Variants in MUC5B observed in about 807,000 individuals in gnomAD.
The protein encoded by MUC5B is mucin 5B, oligomeric mucus/gel-forming, also known as mucin-5B.
Under a neutral mutation model 376.9 loss-of-function variants are expected in MUC5B, and 116 were observed. That is an observed-to-expected ratio of 0.31 (90% confidence interval 0.26 to 0.36). The LOEUF (loss-of-function observed/expected upper bound fraction) is 0.36, where lower values mean the gene tolerates loss of function less well. Among genes scored for constraint, MUC5B ranks in the 10% least tolerant of loss-of-function variants. The pLI is 1.00. For missense variants in MUC5B, 7,165 were observed against 7,769.9 expected (o/e 0.92, Z 2.93); for synonymous variants, 3,517 against 3,390.9 (o/e 1.04, Z -1.29).
rs533424826 is a variant in MUC5B at position 1,249,068 on chromosome 11, C to T, written c.12188C>T (p.Thr4063Ile). The change falls in exon 31 of 49, where the codon ACT becomes ATT. Residue 4063 changes from threonine (T) to isoleucine (I), a missense_variant. Physicochemically the swap from Thr to Ile is moderately conservative, Grantham distance 89. This residue lies in a region of MUC5B where 85 missense variants were observed against 78.2 expected (regional missense o/e 1.09). Transcript: ENST00000529681. ...ACCACCGGTACCACCCAGCACTCGA[C>T]TCCAGCCCTGTCCAGCCCTCACCCT... ...AATTGTTQHS[T>I]PALSSPHPSS... 11 of 1,610,860 alleles carry T rather than the reference C, an allele frequency of 6.8e-6. No individual in the cohort carries two copies. The highest frequency in any genetic ancestry group is 9.3e-6 in the Non-Finnish European group (11 of 1,179,454).
intron 25 of MUC5B, 60 bp downstream of exon 25, chr11:1,237,224 C>T (rs748233396): frequency 1.7e-4 from 226 of 1,327,814 alleles, no homozygotes; most frequent in Admixed American, 1.1e-3. Flanking sequence ...TCCTTCCCGC[C>T]GAGAACTGGG....
In MUC5B at chr11:1,252,376, G is replaced by A; in HGVS notation, c.14897G>A (p.Gly4966Asp). Residue 4966 changes from glycine (G) to aspartate (D), a missense_variant, in exon 32 of 49, where the codon GGC (glycine) becomes GAC (aspartate). This residue lies in a region of MUC5B where 730 missense variants were observed against 592.7 expected (regional missense o/e 1.23). Transcript: ENST00000529681. ...ATCTACAATAAGACCGACCGAGCCG[G>A]CTGCCATTTCTACGCAGTGTGCAAT... ...EVIYNKTDRA[G>D]CHFYAVCNQH... The A allele has an allele frequency of 6.3e-7, 1 of 1,587,050 alleles. No individual in the cohort carries two copies. Among genetic ancestry groups the A allele is most frequent in the Non-Finnish European group, 8.6e-7 (1 of 1,166,982 alleles).
Position 1,260,701 on chromosome 11 carries a change from G to A in MUC5B, c.17042G>A (p.Cys5681Tyr), listed in dbSNP as rs545239977. 1 of 1,612,066 alleles carries A rather than the reference G, an allele frequency of 6.2e-7. No homozygotes were observed. Among genetic ancestry groups the A allele is most frequent in the Admixed American group, 1.7e-5 (1 of 59,968 alleles). The part of the protein sequence containing the change: ...GCETEVNITF[C>Y]EGSCPGASKY... ...GAGACCGAGGTCAACATCACCTTCTGCGAGGGCTCCTGCCCCGGAGCGTCC... is the reference window on the plus strand; with the variant it reads ...GAGACCGAGGTCAACATCACCTTCTACGAGGGCTCCTGCCCCGGAGCGTCC... Residue 5681 changes from cysteine (C) to tyrosine (Y), a missense_variant, in exon 48 of 49, where the codon TGC becomes TAC. This residue lies in a region of MUC5B where 842 missense variants were observed against 1,016.9 expected (regional missense o/e 0.83). Coordinates refer to ENST00000529681, the MANE Select transcript of MUC5B (RefSeq NM_002458.3).
chr11:1,225,967 C>T (rs777088298), intron 2 of MUC5B, among the ~76,000 whole-genome samples: 1 of 152,252 alleles, frequency 6.6e-6, no homozygotes, highest in Non-Finnish European at 1.5e-5. Context: ...TGGACAGGCA[C>T]ATGCGTGCCC....
rs1005740046 is a variant in MUC5B, at chr11:1,256,658, T to C, written c.16137-13T>C. Reference sequence around the variant, plus strand: ...GATCTCTAGGTCTCAGGGCCTCTCTTGTCATCCTGCAGGAACCAGAGCCCA... The same window carrying C: ...GATCTCTAGGTCTCAGGGCCTCTCTCGTCATCCTGCAGGAACCAGAGCCCA... On this transcript the variant is annotated splice_polypyrimidine_tract_variant and intron_variant, in intron 38 of 48. Transcript: ENST00000529681. 3.2e-6 allele frequency: 5 copies of C among 1,551,366 alleles called. No homozygotes were observed. In the African/African-American group the frequency reaches 5.5e-5, roughly 17 times the overall value.
At chr11:1,235,467 C>G in intron 23 of MUC5B, 54 bp downstream of exon 23, 1 of 1,487,576 alleles carries the variant, frequency 6.7e-7, no homozygotes, top group Non-Finnish European at 9.2e-7. Context: ...ACGAGCCGGC[C>G]CCCAGGGAAG....
Position 1,253,622 on chromosome 11 carries a change from T to C in MUC5B, c.15218-470T>C, listed in dbSNP as rs988048288. On this transcript the variant is annotated intron_variant, in intron 33 of 48. Coordinates refer to ENST00000529681, the MANE Select transcript of MUC5B (RefSeq NM_002458.3). This position sits in a 1 kb window ranked among gnomAD's most constrained non-coding sequence, Gnocchi z 4.3. ...GTCTGAGATCCAGGCGGGCAGGGGA[T>C]AGACTCCCTGCTGAGGGTCTGGGGA... Among the ~76,000 whole-genome samples the C allele has an allele frequency of 4.6e-5, 7 of 152,152 alleles. No individual in the cohort carries two copies. Among genetic ancestry groups the C allele is most frequent in the Admixed American group, 1.3e-4 (2 of 15,280 alleles).
rs755786475 is a variant in MUC5B, at chr11:1,259,824, C to T, written c.16782C>T (p.Pro5594=). ...GECVQTACLT[P]DGQPVQLNET... ...GCGTCCAGACCGCCTGCCTCACGCC[C>T]GATGGCCAGCCAGTCCAGGTAACAG... The change falls in exon 45 of 49, where the codon CCC becomes CCT. Residue 5594 remains proline, a synonymous_variant. Transcript: ENST00000529681. 1.6e-5 allele frequency: 26 copies of T among 1,612,322 alleles called. No homozygotes were observed. Among genetic ancestry groups the T allele is most frequent in the Admixed American group, 1.5e-4 (9 of 59,978 alleles).
In MUC5B at chr11:1,248,752, G is replaced by C; in HGVS notation, c.11872G>C (p.Gly3958Arg). Reference protein sequence around the residue: ...ITTATTITATGSTTNPSSTPG... With the variant: ...ITTATTITATRSTTNPSSTPG... ...CACGGCCACTACGATCACGGCCACC[G>C]GCTCCACCACCAACCCCTCCTCAAC... The change falls in exon 31 of 49, where the codon GGC becomes CGC. Residue 3958 changes from glycine to arginine, a missense_variant. By Grantham distance (125) the Gly-to-Arg change is moderately radical. Around this residue, in one of 31 missense-constraint regions of MUC5B, gnomAD observed 242 missense variants for 199.0 expected, o/e 1.22. Transcript: ENST00000529681. 1 of 1,552,258 alleles carries C rather than the reference G, an allele frequency of 6.4e-7. No homozygotes were observed. Among genetic ancestry groups the C allele is most frequent in the Non-Finnish European group, 8.7e-7 (1 of 1,147,886 alleles).
Position 1,246,258 on chromosome 11 carries a change from C to T in MUC5B, c.9378C>T (p.Ser3126=), listed in dbSNP as rs764716204. ...CCACCAGTTCCATGTCCACCCCCTC[C>T]TCCACTCCGGGGACGACCTGGATCC... The part of the protein sequence containing the change: ...TRATSSMSTP[S]STPGTTWILT... Residue 3126 remains serine, a synonymous_variant, in exon 31 of 49, where the codon TCC becomes TCT. Coordinates refer to ENST00000529681, the MANE Select transcript of MUC5B (RefSeq NM_002458.3). 1.9e-6 allele frequency: 3 copies of T among 1,612,788 alleles called. No homozygotes were observed. The highest frequency in any genetic ancestry group is 3.3e-5 in the Admixed American group (2 of 59,968).
intron 17 of MUC5B, 76 bp downstream of exon 17, chr11:1,232,846 C>A (rs1862061287): frequency 2.1e-5 from 31 of 1,497,468 alleles, no homozygotes; most frequent in Non-Finnish European, 2.5e-5. Context: ...CAGCAGCCGT[C>A]ACTCACACGG....
Position 1,248,450 on chromosome 11 carries a change from C to T in MUC5B, c.11570C>T (p.Pro3857Leu), listed in dbSNP as rs1288265682. 1.2e-6 allele frequency: 2 copies of T among 1,610,666 alleles called. No homozygotes were observed. The highest frequency in any genetic ancestry group is 1.7e-6 in the Non-Finnish European group (2 of 1,177,962). Residue 3857 changes from proline to leucine, a missense_variant, in exon 31 of 49, where the codon CCA becomes CTA. Pro to Leu is a moderately conservative substitution (Grantham distance 98). Transcript: ENST00000529681. Reference protein sequence around the residue: ...TGSVATPSSTPGTAHTTKVPT... With the variant: ...TGSVATPSSTLGTAHTTKVPT... ...TCTGTGGCCACCCCCTCTTCCACCCCAGGAACAGCTCACACTACCAAAGTG... is the reference window on the plus strand; with the variant it reads ...TCTGTGGCCACCCCCTCTTCCACCCTAGGAACAGCTCACACTACCAAAGTG...
chr11:1,226,600 C>T lies in MUC5B; in HGVS notation c.200-15C>T. ...GGCTGGCATGGGGATGGGCCTCATC[C>T]CGCGCTCCCCACAGCCCTGAACCCG... On this transcript the variant is annotated splice_polypyrimidine_tract_variant and intron_variant, in intron 3 of 48. Coordinates refer to ENST00000529681, the MANE Select transcript of MUC5B (RefSeq NM_002458.3). 1 of 1,600,564 alleles carries T rather than the reference C, an allele frequency of 6.2e-7. No individual in the cohort carries two copies. The highest frequency in any genetic ancestry group is 8.5e-7 in the Non-Finnish European group (1 of 1,174,550).
chr11:1,225,371 G>A (rs897137507), intron 1 of MUC5B, among the ~76,000 whole-genome samples: 6 of 152,232 alleles, frequency 3.9e-5, no homozygotes, highest in East Asian at 1.9e-4. Context: ...CCTGTCAGTC[G>A]GGGACAGGGC....
At position 1,233,276 on chromosome 11, in the gene MUC5B, T is replaced by C. The variant is rs766238646; in HGVS notation, c.2321+8T>C. On this transcript the variant is annotated splice_region_variant and intron_variant, in intron 18 of 48. Transcript: ENST00000529681. ...CGACGAGGGCGCCGTGTGGTAAGGG[T>C]CTGGGGGGAAAGCAGGCCCCCCAGG... 2 of 1,539,272 alleles carry C rather than the reference T, an allele frequency of 1.3e-6. No individual in the cohort carries two copies. Among genetic ancestry groups the C allele is most frequent in the Admixed American group, 3.9e-5 (2 of 51,696 alleles).
At position 1,257,583 on chromosome 11, in the gene MUC5B, A is replaced by G. The variant is rs1484972730; in HGVS notation, c.16323A>G (p.Ser5441=). 2.5e-6 allele frequency: 4 copies of G among 1,607,014 alleles called. No individual in the cohort carries two copies. Among genetic ancestry groups the G allele is most frequent in the Non-Finnish European group, 1.7e-6 (2 of 1,179,686 alleles). The change falls in exon 41 of 49, where the codon TCA becomes TCG. Residue 5441 remains serine (S), a synonymous_variant. Coordinates refer to ENST00000529681, the MANE Select transcript of MUC5B (RefSeq NM_002458.3). The surrounding 1 kb of genome is among the most constrained non-coding windows in gnomAD (Gnocchi z 8.9). ...NCQSCVCDEG[S]VSVQCKPLPC... is the part of the protein sequence containing the mutation. ...AGTCCTGCGTGTGTGACGAGGGTTC[A>G]GTGTCGGTGCAGTGCAAGCCCCTGC...
intron 18 of MUC5B, among the ~76,000 whole-genome samples, 181 bp from the exon 19 acceptor site, chr11:1,233,612 T>C (rs1308570721): frequency 6.6e-6 from 1 of 152,026 alleles, no homozygotes. Context: ...TGTGTGTATT[T>C]ACCCATGTGC....
Position 1,242,694 on chromosome 11 carries a change from G to A in MUC5B, c.5814G>A (p.Val1938=), listed in dbSNP as rs1270826412. ...TGAGAACAGCTCCCCCTCCCAAAGT[G>A]CTGACCACCACGGCCACCACACCCA... The part of the protein sequence containing the change: ...STLRTAPPPK[V]LTTTATTPTV... The change falls in exon 31 of 49, where the codon GTG becomes GTA. Residue 1938 remains valine (V), a synonymous_variant. Transcript: ENST00000529681. 3.1e-6 allele frequency: 5 copies of A among 1,613,286 alleles called. No homozygotes were observed. In the South Asian group the frequency reaches 4.4e-5, roughly 14 times the overall value.
rs371815742 is a variant in MUC5B at position 1,233,898 on chromosome 11, C to T, written c.2377+50C>T. ...TGCCCTGCCCCGCCCCGCATCACCC[C>T]GCCTGGCCTGGCCCCAACACGCCCC... On this transcript the variant is annotated intron_variant, in intron 19 of 48. Transcript: ENST00000529681. 5.7e-5 allele frequency: 88 copies of T among 1,531,174 alleles called. No homozygotes were observed. The Admixed American group carries it at 6.4e-4, about 11-fold the overall frequency. The allele number at this position is 1,531,174 out of a possible 1,614,324, so 94.8% of individuals were successfully genotyped here.
Sources: allele counts gnomAD v4.1 joint callset (sites outside exome capture counted in the v4.1 genomes callset), GRCh38; gene constraint gnomAD v4.1.1; regional missense constraint gnomAD v4.1.1; non-coding constraint Gnocchi (gnomAD v3.1); transcripts MANE v1.5; gene names NCBI Gene and HGNC (gene_info 2026-07-23, HGNC 2026-07-21).